Variants in EEPD1 observed in about 807,000 individuals in gnomAD.
EEPD1 encodes endonuclease/exonuclease/phosphatase family domain-containing protein 1.
Under a neutral mutation model 46.3 loss-of-function variants are expected in EEPD1, and 17 were observed. The ratio of observed to expected loss-of-function variants is 0.37; its 90% CI spans 0.25 to 0.55. The LOEUF (loss-of-function observed/expected upper bound fraction) is 0.55, where lower values mean the gene tolerates loss of function less well. Among genes scored for constraint, EEPD1 ranks in the 20% least tolerant of loss-of-function variants. The pLI is 0.83. For synonymous variants in EEPD1, 313 were observed against 315.6 expected (o/e 0.99, Z 0.09); for missense variants, 673 against 745.6 (o/e 0.90, Z 1.13).
intron 2 of EEPD1, among the ~76,000 whole-genome samples, chr7:36,175,551 T>C (rs1264259083): frequency 6.6e-6 from 1 of 152,042 alleles, no homozygotes; most frequent in Admixed American, 6.5e-5. Context: ...TTTTTTTTAA[T>C]TTGAGATTAT....
intron 7 of EEPD1, among the ~76,000 whole-genome samples, chr7:36,298,058 C>T (rs1161081399): frequency 2.6e-5 from 4 of 152,242 alleles, no homozygotes; most frequent in Non-Finnish European, 5.9e-5. Flanking sequence ...ACCTGCTTCT[C>T]CCCTCTCTCT....
intron 3 of EEPD1, among the ~76,000 whole-genome samples, chr7:36,257,072 C>T (rs1414949807): frequency 6.6e-6 from 1 of 152,186 alleles, no homozygotes; most frequent in Non-Finnish European, 1.5e-5. Context: ...TTCTCCTTCG[C>T]TTATGAAGCT....
intron 2 of EEPD1, among the ~76,000 whole-genome samples, chr7:36,213,920 T>C (rs1785981846): frequency 6.6e-6 from 1 of 152,004 alleles, no homozygotes; most frequent in Non-Finnish European, 1.5e-5. Flanking sequence ...GGAGGCTGAG[T>C]GAATGAAAGC....
intron 2 of EEPD1, among the ~76,000 whole-genome samples, chr7:36,216,081 T>C (rs1786025462): frequency 1.3e-5 from 2 of 152,184 alleles, no homozygotes; most frequent in Non-Finnish European, 1.5e-5. Flanking sequence ...TATAAAACCT[T>C]TGGGGCAAAA....
intron 6 of EEPD1, among the ~76,000 whole-genome samples, chr7:36,294,169 C>G (rs1223997513): frequency 6.6e-6 from 1 of 151,778 alleles, no homozygotes; most frequent in Non-Finnish European, 1.5e-5. Flanking sequence ...CTCCTGCCAA[C>G]CAAAGATAAG....
chr7:36,287,849 C>G, intron 6 of EEPD1, 72 bp downstream of exon 6: 1 of 1,562,404 alleles, frequency 6.4e-7, no homozygotes, highest in Non-Finnish European at 8.7e-7. Context: ...TCTGAGCCAT[C>G]TCTGACCACT....
chr7:36,203,836 C>T (rs563888681), intron 2 of EEPD1, among the ~76,000 whole-genome samples: 45 of 152,116 alleles, frequency 3.0e-4, no homozygotes, highest in Non-Finnish European at 6.2e-4. Flanking sequence ...ATAAATACTA[C>T]CACTCAGAAT....
chr7:36,191,381 A>T (rs2540669), intron 2 of EEPD1, among the ~76,000 whole-genome samples: 16,563 of 152,188 alleles, frequency 0.11, 1,199 homozygotes, highest in Non-Finnish European at 0.17. Flanking sequence ...GTGTATGCAC[A>T]CTGGAGAGGT....
Position 36,268,882 on chromosome 7 carries a change from A to G in EEPD1, c.931-12233A>G, listed in dbSNP as rs759489805. On this transcript the variant is annotated intron_variant, in intron 3 of 7. Coordinates refer to ENST00000242108, the MANE Select transcript of EEPD1 (RefSeq NM_030636.3). ...CACAGAATACATGAGTCATTTGCCC[A>G]AAGTCAAAACTCTTGGTAAGTGGTA... 1.5e-4 allele frequency among the ~76,000 whole-genome samples: 23 copies of G among 152,266 alleles called. 1 individual carries two copies. Among genetic ancestry groups the G allele is most frequent in the Non-Finnish European group, 4.4e-5 (3 of 68,054 alleles).
chr7:36,257,832 G>A (rs1236491473), intron 3 of EEPD1, among the ~76,000 whole-genome samples: 5 of 152,110 alleles, frequency 3.3e-5, no homozygotes, highest in Admixed American at 6.6e-5. Context: ...CTGTCAGTTC[G>A]TCAAACTCAA....
At chr7:36,282,125 A>G (rs893958711) in intron 4 of EEPD1, among the ~76,000 whole-genome samples, 3 of 152,224 alleles carry the variant, frequency 2.0e-5, no homozygotes, top group Non-Finnish European at 4.4e-5. Flanking sequence ...GCTGACAGTG[A>G]GTCAGCACAC....
intron 3 of EEPD1, 26 bp downstream of exon 3, chr7:36,239,062 A>T: frequency 1.2e-6 from 2 of 1,609,894 alleles, no homozygotes; most frequent in Non-Finnish European, 1.7e-6. Context: ...TTCCTTCCAC[A>T]TTCACAAACC....
intron 6 of EEPD1, among the ~76,000 whole-genome samples, chr7:36,290,537 A>C (rs1270269526): frequency 6.6e-6 from 1 of 152,222 alleles, no homozygotes; most frequent in African/African-American, 2.4e-5. Context: ...CTATCAGAGC[A>C]AACAGAACCG....
In EEPD1 at chr7:36,281,100, G is replaced by T. The variant is rs748897000; in HGVS notation, c.931-15G>T. 1 of 1,613,500 alleles carries T rather than the reference G, an allele frequency of 6.2e-7. No individual in the cohort carries two copies. The highest frequency in any genetic ancestry group is 1.1e-5 in the South Asian group (1 of 91,078). On this transcript the variant is annotated splice_polypyrimidine_tract_variant and intron_variant, in intron 3 of 7. Transcript: ENST00000242108. ...GCGCGAACCCACGCTTCTGACCTGT[G>T]CTCTGTCTTTGCAGTTCTGCACGGA...
chr7:36,190,602 C>CT (rs1395346183), intron 2 of EEPD1, among the ~76,000 whole-genome samples: 1 of 152,230 alleles, frequency 6.6e-6, no homozygotes. Context: ...ATAACCAGCA[C>CT]TTGGGGCCAC....
chr7:36,195,093 C>G (rs992506479), intron 2 of EEPD1, among the ~76,000 whole-genome samples: 2 of 152,152 alleles, frequency 1.3e-5, no homozygotes, highest in Non-Finnish European at 2.9e-5. Context: ...TCTGCAGGGA[C>G]CTGGTAAGGT....
intron 5 of EEPD1, 93 bp from the exon 6 acceptor site, chr7:36,287,546 C>A: frequency 6.6e-7 from 1 of 1,514,514 alleles, no homozygotes; most frequent in Non-Finnish European, 8.9e-7. Context: ...ATTGTCAACT[C>A]TGTGCACAAA....
At chr7:36,176,347 A>G (rs1318063874) in intron 2 of EEPD1, among the ~76,000 whole-genome samples, 1 of 152,202 alleles carries the variant, frequency 6.6e-6, no homozygotes, top group African/African-American at 2.4e-5. Flanking sequence ...TCTGCCGAAG[A>G]GCAGAAGTTT....
intron 2 of EEPD1, among the ~76,000 whole-genome samples, chr7:36,176,791 A>G (rs1289271987): frequency 6.6e-6 from 1 of 152,248 alleles, no homozygotes. Context: ...AAAGCAGAAT[A>G]AATCCTTTAC....
Sources: gnomAD v4.1 joint callset for allele counts (sites outside exome capture counted in the v4.1 genomes callset) on GRCh38, gnomAD v4.1.1 for gene constraint, MANE v1.5 for transcripts, NCBI Gene and HGNC (gene_info 2026-07-23, HGNC 2026-07-21) for gene names.